The following PPP2R5C variants were observed in gnomAD, a reference collection of about 807,000 sequenced individuals.
PPP2R5C encodes the protein serine/threonine-protein phosphatase 2A 56 kDa regulatory subunit gamma isoform.
In PPP2R5C, 7 loss-of-function variants were observed where a neutral mutation model predicts 68.9. The observed-to-expected ratio is 0.10, with a 90% CI of 0.06 to 0.19. The LOEUF (loss-of-function observed/expected upper bound fraction) is 0.19. PPP2R5C is among the 10% of genes least tolerant of loss of function. The pLI is 1.00. For synonymous variants in PPP2R5C, 210 were observed against 222.2 expected, an observed-to-expected ratio of 0.95 and a Z score of 0.49; for missense variants, 348 against 641.3, an observed-to-expected ratio of 0.54 and a Z score of 4.94.
upstream of PPP2R5C, among the ~76,000 whole-genome samples, chr14:101,809,144 GCTTT>G (rs1026351183): frequency 6.6e-6 from 1 of 151,714 alleles, no homozygotes; most frequent in African/African-American, 2.4e-5. Context: ...TCATTTTTTT[GCTTT>G]CTTACTCCCA....
intron 2 of PPP2R5C, among the ~76,000 whole-genome samples, chr14:101,869,457 G>A (rs1408862583): frequency 6.6e-6 from 1 of 152,014 alleles, no homozygotes; most frequent in African/African-American, 2.4e-5. Context: ...GGATGCAATC[G>A]CTAGGTGAAT....
upstream of PPP2R5C, chr14:101,761,684 C>G (rs1312016845): frequency 3.5e-5 from 8 of 227,524 alleles, no homozygotes; most frequent in Admixed American, 5.5e-4. Flanking sequence ...GAGACGCCGC[C>G]GCTGCCGCCG....
At chr14:101,850,390 C>A (rs1256371190) in intron 1 of PPP2R5C, among the ~76,000 whole-genome samples, 1 of 152,178 alleles carries the variant, frequency 6.6e-6, no homozygotes, top group Non-Finnish European at 1.5e-5. Flanking sequence ...CACATCAAAA[C>A]ATAGCAAATA....
chr14:101,883,706 C>A, intron 5 of PPP2R5C, 144 bp downstream of exon 7: 1 of 1,119,182 alleles, frequency 8.9e-7, no homozygotes, highest in Non-Finnish European at 1.3e-6. Flanking sequence ...TGCAGGTGGA[C>A]CCCCTTGTGC....
upstream of PPP2R5C, among the ~76,000 whole-genome samples, chr14:101,761,077 A>AGGGG (rs1566813444): frequency 2.5e-4 from 12 of 47,716 alleles, 1 homozygote; most frequent in African/African-American, 6.5e-4. Flanking sequence ...GAGAGGAGGG[A>AGGGG]AGGGGAGGGG....
intron 8 of PPP2R5C, among the ~76,000 whole-genome samples, chr14:101,895,635 G>A (rs575647374): frequency 2.6e-5 from 4 of 152,242 alleles, no homozygotes; most frequent in Admixed American, 1.3e-4. Context: ...CTTGGGTTGC[G>A]TATCAGAACT....
chr14:101,840,480 ACC>A (rs1566893236), intron 1 of PPP2R5C, among the ~76,000 whole-genome samples: 1 of 84,252 alleles, frequency 1.2e-5, no homozygotes, highest in Non-Finnish European at 2.3e-5. Context: ...TCCCCCCACC[ACC>A]AAAAAAAAAA....
intron 1 of PPP2R5C, among the ~76,000 whole-genome samples, chr14:101,842,058 C>T (rs1002403331): frequency 9.2e-5 from 14 of 152,240 alleles, no homozygotes; most frequent in South Asian, 4.1e-4. Flanking sequence ...GTCAGGAAAA[C>T]AGAAGTTCAG....
chr14:101,803,428 G>T (rs2038950161), intron 3 of PPP2R5C: 1 of 152,124 alleles, frequency 6.6e-6, no homozygotes, highest in Non-Finnish European at 1.5e-5. Flanking sequence ...GTGGATTAAA[G>T]AAATCTAAGA....
At chr14:101,893,963 C>T (rs1315601242) in intron 7 of PPP2R5C, among the ~76,000 whole-genome samples, 4 of 152,216 alleles carry the variant, frequency 2.6e-5, no homozygotes, top group African/African-American at 9.6e-5. Flanking sequence ...CCAGCACAGG[C>T]ACAGGGGTGC....
chr14:101,798,415 G>A (rs2038714702), intron 3 of PPP2R5C, among the ~76,000 whole-genome samples: 1 of 152,152 alleles, frequency 6.6e-6, no homozygotes, highest in Admixed American at 6.5e-5. Context: ...GTATTTACAG[G>A]TAGTTTGTTT....
intron 3 of PPP2R5C, among the ~76,000 whole-genome samples, chr14:101,796,049 C>T (rs2038592034): frequency 6.6e-6 from 1 of 152,140 alleles, no homozygotes; most frequent in African/African-American, 2.4e-5. Context: ...TCTCGAACTC[C>T]TGGGCTCAAG....
intron 1 of PPP2R5C, among the ~76,000 whole-genome samples, chr14:101,844,377 G>T (rs1004380361): frequency 3.3e-5 from 5 of 152,138 alleles, no homozygotes; most frequent in Admixed American, 3.3e-4. Context: ...TGATATCGTG[G>T]TTTCTGGCAC....
chr14:101,792,256 G>C (rs1278655183), intron 3 of PPP2R5C, among the ~76,000 whole-genome samples: 3 of 152,202 alleles, frequency 2.0e-5, no homozygotes, highest in Non-Finnish European at 4.4e-5. Context: ...GAATTCAGTT[G>C]ATGACAGATT....
intron 10 of PPP2R5C, among the ~76,000 whole-genome samples, chr14:101,907,484 T>A (rs1260997565): frequency 6.6e-6 from 1 of 152,202 alleles, no homozygotes; most frequent in Non-Finnish European, 1.5e-5. Context: ...TTTATTAATA[T>A]GGTATCATCT....
At chr14:101,839,941 T>A (rs796448341) in intron 1 of PPP2R5C, among the ~76,000 whole-genome samples, 15 of 149,336 alleles carry the variant, frequency 1.0e-4, no homozygotes, top group Admixed American at 5.3e-4. Context: ...TTTCCTGTGT[T>A]GTTTGGATTT....
At chr14:101,890,992 C>T (rs1011318337) in intron 6 of PPP2R5C, among the ~76,000 whole-genome samples, 2 of 151,926 alleles carry the variant, frequency 1.3e-5, no homozygotes, top group Non-Finnish European at 2.9e-5. Flanking sequence ...AGGCTGGTCT[C>T]GAACTGCTGG....
At chr14:101,896,093 C>T (rs2045305832) in intron 8 of PPP2R5C, among the ~76,000 whole-genome samples, 1 of 152,130 alleles carries the variant, frequency 6.6e-6, no homozygotes, top group South Asian at 2.1e-4. Flanking sequence ...AATCTTGGCT[C>T]ACCACAACCT....
intron 2 of PPP2R5C, among the ~76,000 whole-genome samples, chr14:101,878,296 C>G (rs572864279): frequency 1.4e-4 from 21 of 152,326 alleles, no homozygotes; most frequent in African/African-American, 5.1e-4. Context: ...AGGCCACAAG[C>G]ATTGAGTCCA....
Sources: gnomAD v4.1 joint callset for allele counts (sites outside exome capture counted in the v4.1 genomes callset) on GRCh38, gnomAD v4.1.1 for gene constraint, MANE v1.5 for transcripts, NCBI Gene and HGNC (gene_info 2026-07-23, HGNC 2026-07-21) for gene names.